SOX6: variants seen among roughly 807,000 people sequenced by gnomAD.
The protein encoded by SOX6 is transcription factor SOX-6.
Under a neutral mutation model 97.8 loss-of-function variants are expected in SOX6, and 11 were observed. That is an observed-to-expected ratio of 0.11 (90% CI 0.07 to 0.19). The LOEUF (loss-of-function observed/expected upper bound fraction) is 0.19. SOX6 is among the 10% of genes least tolerant of loss of function. The pLI is 1.00. For synonymous variants in SOX6, 360 were observed against 371.4 expected, an observed-to-expected ratio of 0.97 and a Z score of 0.35; for missense variants, 810 against 1,039.5, an observed-to-expected ratio of 0.78 and a Z score of 3.04.
intron 9 of SOX6, among the ~76,000 whole-genome samples, chr11:16,086,168 T>C (rs1280161364): frequency 6.6e-6 from 1 of 152,228 alleles, no homozygotes; most frequent in African/African-American, 2.4e-5. Context: ...CTCTTTAAGC[T>C]ACAGGTTTAT....
At chr11:16,408,540 C>A (rs1858731161) in intron 1 of SOX6, among the ~76,000 whole-genome samples, 2 of 152,050 alleles carry the variant, frequency 1.3e-5, no homozygotes, top group Non-Finnish European at 2.9e-5. Flanking sequence ...CAGACAAGGA[C>A]AGAAAAAAGT....
chr11:16,598,928 C>A (rs1056969250), intron 4 of SOX6, among the ~76,000 whole-genome samples: 1 of 151,912 alleles, frequency 6.6e-6, no homozygotes, highest in Non-Finnish European at 1.5e-5. Flanking sequence ...CAAGGGTTAT[C>A]GTGGGAGATT....
intron 14 of SOX6, among the ~76,000 whole-genome samples, chr11:15,987,787 TC>T (rs1853908789): frequency 1.3e-5 from 2 of 150,728 alleles, no homozygotes; most frequent in African/African-American, 4.9e-5. Context: ...CAAAATAACA[TC>T]CCTATGCATA....
intron 3 of SOX6, among the ~76,000 whole-genome samples, chr11:16,706,994 C>G (rs1056064980): frequency 2.0e-5 from 3 of 152,010 alleles, no homozygotes; most frequent in Non-Finnish European, 4.4e-5. Context: ...ATAGATGTAC[C>G]TTTCCATAAT....
intron 11 of SOX6, among the ~76,000 whole-genome samples, chr11:16,049,002 C>T (rs937977202): frequency 2.6e-5 from 4 of 152,078 alleles, no homozygotes; most frequent in Non-Finnish European, 5.9e-5. Flanking sequence ...AATTGAATGC[C>T]TTCTAGGTTC....
intron 3 of SOX6, among the ~76,000 whole-genome samples, chr11:16,657,624 G>C (rs1205627076): frequency 1.3e-5 from 2 of 152,182 alleles, no homozygotes; most frequent in Non-Finnish European, 2.9e-5. Context: ...TCAAGGTTTT[G>C]TGTTGCTGTT....
intron 3 of SOX6, among the ~76,000 whole-genome samples, chr11:16,705,797 T>C (rs1848127872): frequency 6.6e-6 from 1 of 152,178 alleles, no homozygotes; most frequent in South Asian, 2.1e-4. Context: ...AAGATGTTAA[T>C]TGTAATCTCC....
intron 3 of SOX6, among the ~76,000 whole-genome samples, chr11:16,684,042 A>G (rs1179228505): frequency 1.3e-5 from 2 of 152,246 alleles, no homozygotes. Flanking sequence ...ATGAGATACC[A>G]TCTCACACCA....
intron 3 of SOX6, among the ~76,000 whole-genome samples, chr11:16,691,018 C>A (rs962327962): frequency 6.6e-6 from 1 of 152,202 alleles, no homozygotes; most frequent in East Asian, 1.9e-4. Flanking sequence ...ATAGGGGAAA[C>A]TACGAGTCCT....
At chr11:16,353,170 A>C (rs1473901082) in intron 1 of SOX6, among the ~76,000 whole-genome samples, 1 of 152,074 alleles carries the variant, frequency 6.6e-6, no homozygotes, top group African/African-American at 2.4e-5. Context: ...ATCTCTGACC[A>C]GAGAAACCAC....
intron 11 of SOX6, among the ~76,000 whole-genome samples, chr11:16,048,535 T>A (rs1847602090): frequency 6.6e-6 from 1 of 152,036 alleles, no homozygotes; most frequent in Admixed American, 6.6e-5. Flanking sequence ...GCTGCAGGAG[T>A]GTGGGCAACT....
At position 16,520,743 on chromosome 11, in the gene SOX6, A is replaced by G. The variant is rs563608417; in HGVS notation, n.610-44355T>C. ...TCCCAGTCAAAGAAAGGGGTGATGGACGGCACCTGGAAAATCAGGTCACTC... is the reference window on the plus strand; with the variant it reads ...TCCCAGTCAAAGAAAGGGGTGATGGGCGGCACCTGGAAAATCAGGTCACTC... On this transcript the variant is annotated intron_variant and non_coding_transcript_variant, in intron 4 of 5. Coordinates refer to the SOX6 transcript ENST00000524520. Among the ~76,000 whole-genome samples, 12 of 152,298 alleles carry G rather than the reference A, an allele frequency of 7.9e-5. No individual in the cohort carries two copies. In the South Asian group the frequency reaches 2.3e-3, roughly 29 times the overall value.
chr11:16,556,159 C>T (rs1381806800), intron 4 of SOX6, among the ~76,000 whole-genome samples: 16 of 151,494 alleles, frequency 1.1e-4, no homozygotes, highest in Non-Finnish European at 1.5e-5. Flanking sequence ...ATTCAAGTTG[C>T]CAGAACGGCT....
At chr11:16,443,503 C>T (rs569046332) in intron 1 of SOX6, among the ~76,000 whole-genome samples, 1 of 152,134 alleles carries the variant, frequency 6.6e-6, no homozygotes, top group South Asian at 2.1e-4. Flanking sequence ...AAAATCTCCA[C>T]AAATTGTTTT....
intron 3 of SOX6, among the ~76,000 whole-genome samples, chr11:16,238,132 A>G (rs891513374): frequency 6.6e-6 from 1 of 151,984 alleles, no homozygotes; most frequent in Non-Finnish European, 1.5e-5. Flanking sequence ...TCTAATTTTT[A>G]TAAATAATAA....
chr11:16,384,163 G>T (rs2134414282), intron 1 of SOX6, among the ~76,000 whole-genome samples: 1 of 151,840 alleles, frequency 6.6e-6, no homozygotes, highest in African/African-American at 2.4e-5. Flanking sequence ...CTCTGAAAAT[G>T]AAATATAGGT....
At chr11:16,493,336 A>C (rs548144901) in intron 4 of SOX6, among the ~76,000 whole-genome samples, 1 of 152,362 alleles carries the variant, frequency 6.6e-6, no homozygotes, top group South Asian at 2.1e-4. Context: ...CAGAAACAAA[A>C]GGATATATAA....
intron 2 of SOX6, among the ~76,000 whole-genome samples, chr11:16,715,257 A>G (rs1848211863): frequency 6.6e-6 from 1 of 152,240 alleles, no homozygotes; most frequent in African/African-American, 2.4e-5. Context: ...AGTAATTTTT[A>G]CAATTACATA....
At position 16,714,389 on chromosome 11, in the gene SOX6, T is replaced by C. The variant is rs1476833325; in HGVS notation, n.429+441A>G. Among the ~76,000 whole-genome samples the C allele has an allele frequency of 2.0e-5, 3 of 152,092 alleles. No individual in the cohort carries two copies. The East Asian group carries it at 5.8e-4, about 29-fold the overall frequency. On this transcript the variant is annotated intron_variant and non_coding_transcript_variant, in intron 3 of 5. Transcript: ENST00000524520. ...AAAATTTCCCTCATAAAAAAGAGGT[T>C]ATTATAAATACCTTTGTTATTTACC...
Sources: gnomAD v4.1 joint callset for allele counts (sites outside exome capture counted in the v4.1 genomes callset) on GRCh38, gnomAD v4.1.1 for gene constraint, MANE v1.5 for transcripts, NCBI Gene and HGNC (gene_info 2026-07-23, HGNC 2026-07-21) for gene names.